The following SORCS3 variants were observed in gnomAD, a reference collection of about 807,000 sequenced individuals.
The protein encoded by SORCS3 is VPS10 domain-containing receptor SorCS3.
A neutral mutation model predicts 146.3 loss-of-function variants in SORCS3; 57 were observed. The ratio of observed to expected loss-of-function variants is 0.39; its 90% CI spans 0.31 to 0.49. The LOEUF (loss-of-function observed/expected upper bound fraction) is 0.49, where lower values mean the gene tolerates loss of function less well. Ranked by LOEUF, SORCS3 falls within the 20% of genes least tolerant of loss-of-function variation. SORCS3 has a pLI of 0.92. For missense variants in SORCS3, 1,341 were observed against 1,575.5 expected (o/e 0.85, Z 2.52); for synonymous variants, 653 against 618.5 (o/e 1.06, Z -0.83).
intron 4 of SORCS3, among the ~76,000 whole-genome samples, chr10:105,029,741 A>G (rs148697397): frequency 1.3e-5 from 2 of 152,336 alleles, no homozygotes; most frequent in African/African-American, 4.8e-5. Flanking sequence ...GAAGCTTCAA[A>G]TACTCAGCTA....
intron 5 of SORCS3, among the ~76,000 whole-genome samples, chr10:105,049,807 T>G (rs2133709660): frequency 6.6e-6 from 1 of 152,162 alleles, no homozygotes; most frequent in Non-Finnish European, 1.5e-5. Context: ...CACTGGAGAC[T>G]ACCAGAAGGG....
chr10:104,670,399 A>T (rs568390665), intron 1 of SORCS3, among the ~76,000 whole-genome samples: 1 of 152,152 alleles, frequency 6.6e-6, no homozygotes, highest in South Asian at 2.1e-4. Flanking sequence ...TGAGGTATTT[A>T]ATTGTTTTCT....
chr10:104,679,422 T>C (rs570572740), intron 1 of SORCS3, among the ~76,000 whole-genome samples: 2 of 152,306 alleles, frequency 1.3e-5, no homozygotes, highest in South Asian at 4.1e-4. Context: ...TAGAGTTACT[T>C]GTCTCATAAC....
At chr10:105,047,292 A>G (rs1384633220) in intron 5 of SORCS3, among the ~76,000 whole-genome samples, 3 of 152,188 alleles carry the variant, frequency 2.0e-5, no homozygotes, top group African/African-American at 7.2e-5. Context: ...TCTCTGTGTA[A>G]CTAGAATGAC....
chr10:105,047,112 A>G (rs1334308020), intron 5 of SORCS3, among the ~76,000 whole-genome samples: 5 of 152,068 alleles, frequency 3.3e-5, no homozygotes, highest in Non-Finnish European at 7.4e-5. Flanking sequence ...GATATTTAAC[A>G]GGCAGGCATA....
Position 104,911,474 on chromosome 10 carries a change from C to G in SORCS3, c.696-4359C>G, listed in dbSNP as rs541979957. ...AAGTGAGACCATGTGTGATGATCAGCGTACTATCTTTTGTGAGAGTTATTT... is the reference window on the plus strand; with the variant it reads ...AAGTGAGACCATGTGTGATGATCAGGGTACTATCTTTTGTGAGAGTTATTT... On this transcript the variant is annotated intron_variant, in intron 2 of 26. Transcript: ENST00000369701. Among the ~76,000 whole-genome samples, 7 of 152,272 alleles carry G rather than the reference C, an allele frequency of 4.6e-5. No individual in the cohort carries two copies. The South Asian group carries it at 1.2e-3, about 27-fold the overall frequency.
chr10:104,915,352 G>A (rs1367491478), intron 2 of SORCS3, among the ~76,000 whole-genome samples: 1 of 152,156 alleles, frequency 6.6e-6, no homozygotes, highest in African/African-American at 2.4e-5. Context: ...ACCCCTCCAA[G>A]GGTCCCTTGC....
At chr10:104,649,964 G>C (rs1350551474) in intron 1 of SORCS3, among the ~76,000 whole-genome samples, 1 of 152,196 alleles carries the variant, frequency 6.6e-6, no homozygotes, top group South Asian at 2.1e-4. Context: ...GGAGAACACT[G>C]GGTTGCTGGG....
At chr10:104,825,093 C>G (rs972326872) in intron 1 of SORCS3, among the ~76,000 whole-genome samples, 3 of 152,158 alleles carry the variant, frequency 2.0e-5, no homozygotes, top group Non-Finnish European at 4.4e-5. Context: ...TGAGGTTGCT[C>G]TTTATTTTGT....
intron 1 of SORCS3, among the ~76,000 whole-genome samples, chr10:104,704,366 G>A (rs2016313644): frequency 2.6e-5 from 4 of 151,858 alleles, no homozygotes; most frequent in African/African-American, 7.3e-5. Flanking sequence ...TTTTAGGGAC[G>A]ATATCTCCCT....
At chr10:104,906,333 C>T (rs1243429710) in intron 2 of SORCS3, among the ~76,000 whole-genome samples, 1 of 152,166 alleles carries the variant, frequency 6.6e-6, no homozygotes, top group African/African-American at 2.4e-5. Flanking sequence ...GCAGGCCCCC[C>T]ATCCTCCCAT....
At chr10:104,697,747 C>G (rs1489232620) in intron 1 of SORCS3, among the ~76,000 whole-genome samples, 1 of 152,088 alleles carries the variant, frequency 6.6e-6, no homozygotes, top group Non-Finnish European at 1.5e-5. Context: ...TAACAGTTGG[C>G]CGGTGCTGAG....
In SORCS3 at chr10:105,147,664, C is replaced by T. The variant is rs2119467526; in HGVS notation, c.1350C>T (p.Val450=). The change falls in exon 9 of 27, where the codon GTC becomes GTT. Residue 450 remains valine, a synonymous_variant. Coordinates refer to ENST00000369701, the MANE Select transcript of SORCS3 (RefSeq NM_014978.3). ...STDENQVFAA[V]QEWNQNDTYN... ...ACGAGAACCAAGTATTTGCTGCGGT[C>T]CAAGAATGGAACCAGAACGACACGT... 6.2e-7 allele frequency: 1 copy of T among 1,612,948 alleles called. No individual in the cohort carries two copies. Among genetic ancestry groups the T allele is most frequent in the East Asian group, 2.2e-5 (1 of 44,830 alleles).
At chr10:104,695,420 C>G (rs571075086) in intron 1 of SORCS3, among the ~76,000 whole-genome samples, 1 of 150,578 alleles carries the variant, frequency 6.6e-6, no homozygotes, top group Non-Finnish European at 1.5e-5. Flanking sequence ...GGAAGAGGAT[C>G]TAGTATACCA....
chr10:104,928,765 G>A (rs1348136714), intron 3 of SORCS3, among the ~76,000 whole-genome samples: 1 of 152,158 alleles, frequency 6.6e-6, no homozygotes, highest in Admixed American at 6.5e-5. Flanking sequence ...ACATGTTGGG[G>A]TCTGAGCTGG....
intron 6 of SORCS3, among the ~76,000 whole-genome samples, chr10:105,096,715 G>A (rs138456189): frequency 8.9e-4 from 136 of 152,254 alleles, no homozygotes; most frequent in African/African-American, 3.2e-3. Context: ...GAAATGGGGT[G>A]TGGGAAAGTT....
chr10:104,689,052 C>G (rs1310975210), intron 1 of SORCS3, among the ~76,000 whole-genome samples: 1 of 152,246 alleles, frequency 6.6e-6, no homozygotes, highest in African/African-American at 2.4e-5. Context: ...AGGGCACTCA[C>G]ACTTTGGCTC....
intron 3 of SORCS3, among the ~76,000 whole-genome samples, chr10:104,971,614 C>A (rs2054860981): frequency 6.6e-6 from 1 of 152,078 alleles, no homozygotes; most frequent in Non-Finnish European, 1.5e-5. Flanking sequence ...AGCTCAGCTT[C>A]CAAATCTGTG....
In SORCS3 at chr10:105,157,298, C is replaced by G; in HGVS notation, c.1629+14C>G. 1 of 1,613,210 alleles carries G rather than the reference C, an allele frequency of 6.2e-7. No homozygotes were observed. Among genetic ancestry groups the G allele is most frequent in the Non-Finnish European group, 8.5e-7 (1 of 1,179,420 alleles). ...CACTGCCTGCTGGTCAGTCACTCAG[C>G]CTCATGGGAAGTTCACAGGGCAGGC... On this transcript the variant is annotated intron_variant, in intron 10 of 26. Transcript: ENST00000369701.
Sources: gnomAD v4.1 joint callset for allele counts (sites outside exome capture counted in the v4.1 genomes callset) on GRCh38, gnomAD v4.1.1 for gene constraint, MANE v1.5 for transcripts, NCBI Gene and HGNC (gene_info 2026-07-23, HGNC 2026-07-21) for gene names.